GBE1: variants seen among roughly 807,000 people sequenced by gnomAD.
GBE1 encodes the protein 1,4-alpha-glucan branching enzyme 1, also known as 1,4-alpha-glucan-branching enzyme.
Under a neutral mutation model 88.8 loss-of-function variants are expected in GBE1, and 70 were observed. That is an observed-to-expected ratio of 0.79 (90% CI 0.65 to 0.96). The LOEUF (loss-of-function observed/expected upper bound fraction) is 0.96. Ranked by LOEUF, GBE1 falls within the 40% of genes least tolerant of loss-of-function variation. The probability of loss-of-function intolerance (pLI) is 0.00; values close to 1 mark genes in which losing one functional copy is unlikely to be tolerated. For synonymous variants in GBE1, 284 were observed against 300.1 expected (o/e 0.95, Z 0.56); for missense variants, 872 against 871.0 (o/e 1.00, Z -0.01).
At chr3:81,705,383 A>C (rs1212109889) in intron 2 of GBE1, 61 bp downstream of exon 2, 4 of 1,156,406 alleles carry the variant, frequency 3.5e-6, no homozygotes, top group Non-Finnish European at 4.8e-6. Flanking sequence ...AATATAAGAA[A>C]TATATGTATT....
chr3:81,589,287 C>T (rs1414977834), intron 9 of GBE1, among the ~76,000 whole-genome samples: 2 of 151,118 alleles, frequency 1.3e-5, no homozygotes. Flanking sequence ...AATAAGGTTG[C>T]AATTTTTGTA....
At chr3:81,561,146 T>A (rs76774025) in intron 12 of GBE1, among the ~76,000 whole-genome samples, 2,244 of 152,070 alleles carry the variant, frequency 0.015, 71 homozygotes, top group African/African-American at 0.051. Context: ...TTAAAAAAAA[T>A]TACAGATGAT....
At chr3:81,747,839 T>C (rs1366618856) in intron 1 of GBE1, among the ~76,000 whole-genome samples, 1 of 151,842 alleles carries the variant, frequency 6.6e-6, no homozygotes, top group Admixed American at 6.6e-5. Flanking sequence ...TTCCATTACC[T>C]TCCCAAATCC....
At chr3:81,674,283 T>C (rs1414049784) in intron 2 of GBE1, among the ~76,000 whole-genome samples, 1 of 151,954 alleles carries the variant, frequency 6.6e-6, no homozygotes, top group African/African-American at 2.4e-5. Context: ...CTGCCTTATA[T>C]GAGTTTCTCA....
intron 2 of GBE1, among the ~76,000 whole-genome samples, chr3:81,673,177 G>A (rs1559683377): frequency 2.6e-5 from 4 of 151,646 alleles, no homozygotes; most frequent in Admixed American, 2.6e-4. Context: ...ATAAAAGCTT[G>A]GAATATAAAA....
intron 12 of GBE1, among the ~76,000 whole-genome samples, chr3:81,551,608 G>C (rs542046672): frequency 6.6e-6 from 1 of 152,210 alleles, no homozygotes; most frequent in African/African-American, 2.4e-5. Context: ...ACTTCCAGTT[G>C]TCCCACCTGT....
intron 1 of GBE1, among the ~76,000 whole-genome samples, chr3:81,750,635 ATATATATATGTATATATATATATG>A (rs1706507105): frequency 6.7e-5 from 4 of 59,364 alleles, no homozygotes; most frequent in East Asian, 2.0e-3. Flanking sequence ...ATATACGTAT[ATATATATATGTATATATATATATG>A]TATATATATA....
Position 81,535,259 on chromosome 3 carries a change from T to C in GBE1, c.1870A>G (p.Ile624Val), listed in dbSNP as rs1233982193. The C allele has an allele frequency of 3.1e-6, 5 of 1,611,472 alleles. No individual in the cohort carries two copies. Among genetic ancestry groups the C allele is most frequent in the Non-Finnish European group, 4.2e-6 (5 of 1,178,616 alleles). ...IAFERAGLLF[I>V]FNFHPSKSYT... ...CTCTTGCTTGGATGGAAGTTGAAAA[T>C]GAAAAGAAGACCTGCTCTTTCAAAA... The change falls in exon 14 of 16, where the codon ATT becomes GTT. Residue 624 changes from isoleucine to valine, a missense_variant. Coordinates refer to ENST00000429644, the MANE Select transcript of GBE1 (RefSeq NM_000158.4).
chr3:81,625,508 A>T (rs1361319239), intron 7 of GBE1, among the ~76,000 whole-genome samples: 2 of 152,010 alleles, frequency 1.3e-5, no homozygotes, highest in African/African-American at 2.4e-5. Flanking sequence ...GCATGATCAT[A>T]GCTCACTGCA....
chr3:81,624,614 C>T (rs1046903837), intron 7 of GBE1, among the ~76,000 whole-genome samples: 17 of 151,856 alleles, frequency 1.1e-4, no homozygotes, highest in African/African-American at 3.4e-4. Flanking sequence ...TATGATCAAC[C>T]GGTATAAACT....
chr3:81,615,825 C>T (rs536290676), intron 7 of GBE1, among the ~76,000 whole-genome samples: 3 of 152,292 alleles, frequency 2.0e-5, no homozygotes, highest in Admixed American at 2.0e-4. Flanking sequence ...TGTATGACAA[C>T]TGCATATTTA....
At chr3:81,573,925 C>A (rs1703609672) in intron 12 of GBE1, among the ~76,000 whole-genome samples, 1 of 152,044 alleles carries the variant, frequency 6.6e-6, no homozygotes, top group Non-Finnish European at 1.5e-5. Flanking sequence ...GTTAACTGAG[C>A]AATATGATAT....
At chr3:81,676,022 T>C (rs1705246221) in intron 2 of GBE1, among the ~76,000 whole-genome samples, 1 of 152,168 alleles carries the variant, frequency 6.6e-6, no homozygotes. Context: ...AAATATATTT[T>C]CTGTTTCTTA....
At chr3:81,707,593 A>T (rs1227921253) in intron 1 of GBE1, among the ~76,000 whole-genome samples, 2 of 152,040 alleles carry the variant, frequency 1.3e-5, no homozygotes, top group Non-Finnish European at 2.9e-5. Flanking sequence ...CAACTGACAA[A>T]GTAAAAATAT....
At chr3:81,659,502 A>ATTTTTTTT (rs35138103) in intron 3 of GBE1, among the ~76,000 whole-genome samples, 2 of 127,054 alleles carry the variant, frequency 1.6e-5, no homozygotes, top group African/African-American at 3.1e-5. Context: ...CGCCCGGCTA[A>ATTTTTTTT]TTTTTTTTTT....
At chr3:81,631,354 A>T (rs965712950) in intron 7 of GBE1, among the ~76,000 whole-genome samples, 1 of 152,118 alleles carries the variant, frequency 6.6e-6, no homozygotes, top group Non-Finnish European at 1.5e-5. Context: ...GGAGGGAAAC[A>T]AAGTAGTCCA....
At position 81,526,350 on chromosome 3, in the gene GBE1, AGTGTTGGAAGTTCTGGCCAGG is replaced by A. The variant is rs563472418; in HGVS notation, c.1934+8824_1934+8844del. ...CTCTCTCACCACTCCTATTCAACAT[AGTGTTGGAAGTTCTGGCCAGG>A]GCAATCAGGCAGGAGAAAGAAATAA... On this transcript the variant is annotated intron_variant, in intron 14 of 15. Transcript: ENST00000429644. 3.2e-3 allele frequency among the ~76,000 whole-genome samples: 485 copies of A among 152,226 alleles called. 3 individuals are homozygous for A. Among genetic ancestry groups the A allele is most frequent in the Admixed American group, 6.2e-3 (94 of 15,278 alleles).
intron 12 of GBE1, among the ~76,000 whole-genome samples, chr3:81,546,828 A>G (rs1472406852): frequency 1.3e-5 from 2 of 151,388 alleles, no homozygotes; most frequent in Admixed American, 1.3e-4. Flanking sequence ...TACTTTCTTA[A>G]TAAACTTGCT....
chr3:81,691,862 T>C lies in GBE1; in HGVS notation c.313+13582A>G, dbSNP rs545466295. On this transcript the variant is annotated intron_variant, in intron 2 of 15. Coordinates refer to ENST00000429644, the MANE Select transcript of GBE1 (RefSeq NM_000158.4). Reference sequence around the variant, plus strand: ...TATTATTATTCATCTGGGTAGATCTTAGGCAAAAGTAAACCAATAAAAGAG... The same window carrying C: ...TATTATTATTCATCTGGGTAGATCTCAGGCAAAAGTAAACCAATAAAAGAG... Among the ~76,000 whole-genome samples the C allele has an allele frequency of 6.6e-5, 10 of 151,910 alleles. No homozygotes were observed. In the South Asian group the frequency reaches 1.5e-3, roughly 22 times the overall value.
Sources: allele counts gnomAD v4.1 joint callset (sites outside exome capture counted in the v4.1 genomes callset), GRCh38; gene constraint gnomAD v4.1.1; transcripts MANE v1.5; gene names NCBI Gene and HGNC (gene_info 2026-07-23, HGNC 2026-07-21).